ATP9B: variants seen among roughly 807,000 people sequenced by gnomAD.
ATP9B encodes the protein probable phospholipid-transporting ATPase IIB.
ATP9B carries 110 observed loss-of-function variants against 146.1 expected under a neutral mutation model. The ratio of observed to expected loss-of-function variants is 0.75; its 90% CI spans 0.65 to 0.88. The LOEUF (loss-of-function observed/expected upper bound fraction) is 0.88. Ranked by LOEUF, ATP9B falls within the 40% of genes least tolerant of loss-of-function variation. ATP9B has a pLI of 0.00. For synonymous variants in ATP9B, 604 were observed against 569.7 expected, an observed-to-expected ratio of 1.06 and a Z score of -0.86; for missense variants, 1,499 against 1,496.4, an observed-to-expected ratio of 1.00 and a Z score of -0.03.
intron 12 of ATP9B, among the ~76,000 whole-genome samples, chr18:79,261,558 C>T (rs142576387): frequency 3.9e-5 from 6 of 152,214 alleles, no homozygotes; most frequent in South Asian, 2.1e-4. Context: ...CACCCCACCA[C>T]CCCCGACCAG....
chr18:79,218,247 G>T (rs2095646354), intron 11 of ATP9B, among the ~76,000 whole-genome samples: 1 of 151,886 alleles, frequency 6.6e-6, no homozygotes, highest in African/African-American at 2.4e-5. Flanking sequence ...CAGGCTGGCA[G>T]CTCCTGCTTC....
chr18:79,345,897 C>T, intron 23 of ATP9B, 58 bp downstream of exon 23: 1 of 1,584,722 alleles, frequency 6.3e-7, no homozygotes, highest in Admixed American at 1.7e-5. Context: ...CAACACGACT[C>T]AGCACATGCT....
intron 3 of ATP9B, among the ~76,000 whole-genome samples, chr18:79,111,370 A>G (rs1319325830): frequency 7.2e-5 from 11 of 152,012 alleles, no homozygotes; most frequent in Admixed American, 6.6e-4. Context: ...CTGACATTGT[A>G]TTTGGCATTG....
At chr18:79,104,300 A>G (rs2075505761) in intron 2 of ATP9B, among the ~76,000 whole-genome samples, 1 of 151,822 alleles carries the variant, frequency 6.6e-6, no homozygotes, top group Non-Finnish European at 1.5e-5. Flanking sequence ...ATTGGGGGAG[A>G]CTGCAGGATG....
At chr18:79,349,049 G>A (rs537020057) in intron 25 of ATP9B, among the ~76,000 whole-genome samples, 10 of 152,344 alleles carry the variant, frequency 6.6e-5, no homozygotes, top group African/African-American at 2.4e-5. Context: ...GGCATGCGAC[G>A]TGCATTGAAA....
At chr18:79,343,781 G>A (rs1006856638) in intron 20 of ATP9B, 10 of 197,432 alleles carry the variant, frequency 5.1e-5, no homozygotes, top group African/African-American at 7.2e-5. Context: ...GTAACGCTGC[G>A]AGTCAGTGAC....
At chr18:79,180,558 CA>C (rs2095239386) in intron 8 of ATP9B, among the ~76,000 whole-genome samples, 1 of 151,718 alleles carries the variant, frequency 6.6e-6, no homozygotes, top group South Asian at 2.1e-4. Context: ...TTTTTTTGTT[CA>C]AAGTTGTCAA....
intron 12 of ATP9B, among the ~76,000 whole-genome samples, chr18:79,272,884 A>G (rs2096270669): frequency 6.6e-6 from 1 of 152,200 alleles, no homozygotes; most frequent in Admixed American, 6.5e-5. Context: ...AAGGTTTGAA[A>G]ATTAGGAATC....
At position 79,161,120 on chromosome 18, in the gene ATP9B, A is replaced by G. The variant is rs2094874239; in HGVS notation, c.778+6565A>G. Among the ~76,000 whole-genome samples the G allele has an allele frequency of 1.3e-5, 2 of 152,208 alleles. 1 individual carries two copies. Among genetic ancestry groups the G allele is most frequent in the South Asian group, 4.1e-4 (2 of 4,828 alleles). ...CCTCAGCCTCTTAATGTTTCACTGC[A>G]TCATTTTTAAGCCATAGTAAGACAG... On this transcript the variant is annotated intron_variant, in intron 7 of 29. Transcript: ENST00000426216.
At chr18:79,277,646 T>C (rs1288151436) in intron 13 of ATP9B, among the ~76,000 whole-genome samples, 1 of 152,216 alleles carries the variant, frequency 6.6e-6, no homozygotes, top group East Asian at 1.9e-4. Flanking sequence ...CTACAGACTA[T>C]TTATCCCACT....
chr18:79,322,236 G>T (rs1228537169), intron 15 of ATP9B, among the ~76,000 whole-genome samples: 3 of 152,216 alleles, frequency 2.0e-5, no homozygotes, highest in African/African-American at 7.2e-5. Flanking sequence ...TCTAATTCAA[G>T]CCCCGTGGGT....
chr18:79,164,373 A>G (rs2094932061), intron 7 of ATP9B, among the ~76,000 whole-genome samples: 1 of 152,044 alleles, frequency 6.6e-6, no homozygotes, highest in Non-Finnish European at 1.5e-5. Context: ...CCCAGATTCC[A>G]TTTTAACAAT....
At chr18:79,342,455 A>C in intron 20 of ATP9B, 89 bp downstream of exon 20, 6 of 834,262 alleles carry the variant, frequency 7.2e-6, no homozygotes, top group Middle Eastern at 7.2e-4. Flanking sequence ...TATATTTATT[A>C]ATCACTAAAT....
rs79575138 is a variant in ATP9B at position 79,311,382 on chromosome 18, T to G, written c.1773+4148T>G. ...TGTACACTTTTCGTGGTGGTGACTC[T>G]CAGTGGGCTCAGCTGAGGTTGTCCA... On this transcript the variant is annotated intron_variant, in intron 15 of 29. Transcript: ENST00000426216. Among the ~76,000 whole-genome samples, 388 of 152,268 alleles carry G rather than the reference T, an allele frequency of 2.5e-3. 3 individuals carry two copies. The highest frequency in any genetic ancestry group is 3.8e-3 in the Non-Finnish European group (260 of 68,012).
At chr18:79,101,837 G>A (rs769933253) in intron 2 of ATP9B, among the ~76,000 whole-genome samples, 1 of 151,890 alleles carries the variant, frequency 6.6e-6, no homozygotes, top group African/African-American at 2.4e-5. Context: ...TACTTGTGTT[G>A]TTTATTATTT....
intron 15 of ATP9B, among the ~76,000 whole-genome samples, chr18:79,314,187 A>G (rs1455989590): frequency 6.6e-6 from 1 of 152,238 alleles, no homozygotes; most frequent in African/African-American, 2.4e-5. Flanking sequence ...CAACATTATC[A>G]TTTGAGAGAC....
In ATP9B at chr18:79,307,179, C is replaced by G. The variant is rs894107927; in HGVS notation, c.1718C>G (p.Ala573Gly). 1.2e-6 allele frequency: 2 copies of G among 1,614,118 alleles called. No individual in the cohort carries two copies. Among genetic ancestry groups the G allele is most frequent in the Admixed American group, 3.3e-5 (2 of 60,004 alleles). ...GVTEETEFAE[A>G]DQDFSDENRT... ...ACTGAGGAGACTGAGTTCGCAGAGG[C>G]TGACCAAGACTTCAGTGATGAGAAT... is the stretch of plus-strand genomic sequence containing the variant. Residue 573 changes from alanine (A) to glycine (G), a missense_variant, in exon 15 of 30, where the codon GCT becomes GGT. Transcript: ENST00000426216.
chr18:79,348,908 C>T (rs889682705), intron 25 of ATP9B, among the ~76,000 whole-genome samples: 9 of 152,222 alleles, frequency 5.9e-5, no homozygotes, highest in Admixed American at 2.0e-4. Flanking sequence ...CACTTGAACC[C>T]GGGACGGGGA....
intron 7 of ATP9B, among the ~76,000 whole-genome samples, chr18:79,158,903 T>C (rs1214979431): frequency 6.6e-6 from 1 of 152,226 alleles, no homozygotes; most frequent in Non-Finnish European, 1.5e-5. Context: ...CTAGTTGTCC[T>C]ATCCATTATT....
Sources: gnomAD v4.1 joint callset for allele counts (sites outside exome capture counted in the v4.1 genomes callset) on GRCh38, gnomAD v4.1.1 for gene constraint, MANE v1.5 for transcripts, NCBI Gene and HGNC (gene_info 2026-07-23, HGNC 2026-07-21) for gene names.